PLCH1: variants seen among roughly 807,000 people sequenced by gnomAD.
The protein encoded by PLCH1 is phospholipase C eta 1.
Under a neutral mutation model 126.7 loss-of-function variants are expected in PLCH1, and 60 were observed. That is an observed-to-expected ratio of 0.47 (90% CI 0.38 to 0.59). The LOEUF (loss-of-function observed/expected upper bound fraction) is 0.59, where lower values mean the gene tolerates loss of function less well. PLCH1 is among the 20% of genes least tolerant of loss of function. The pLI, the probability that PLCH1 is intolerant of heterozygous loss-of-function variation, is 0.00. For missense variants in PLCH1, 1,723 were observed against 2,040.0 expected (o/e 0.84, Z 2.99); for synonymous variants, 719 against 734.9 (o/e 0.98, Z 0.35).
chr3:155,690,060 A>AG (rs1300715739), intron 2 of PLCH1, among the ~76,000 whole-genome samples: 2 of 151,872 alleles, frequency 1.3e-5, no homozygotes, highest in African/African-American at 4.8e-5. Context: ...AAAAAAAAAA[A>AG]GAAAAGAACA....
At chr3:155,527,436 T>G (rs746495255) in intron 10 of PLCH1, among the ~76,000 whole-genome samples, 1 of 152,202 alleles carries the variant, frequency 6.6e-6, no homozygotes, top group Non-Finnish European at 1.5e-5. Context: ...AGAAATGTCT[T>G]TCTCAGTTTT....
At chr3:155,735,818 T>C (rs1009356117) in intron 1 of PLCH1, among the ~76,000 whole-genome samples, 3 of 152,102 alleles carry the variant, frequency 2.0e-5, no homozygotes, top group African/African-American at 7.2e-5. Context: ...TTAAGGAAGC[T>C]CTTATATGCT....
intron 10 of PLCH1, among the ~76,000 whole-genome samples, chr3:155,538,353 C>T (rs935501653): frequency 6.6e-6 from 1 of 152,004 alleles, no homozygotes; most frequent in Non-Finnish European, 1.5e-5. Context: ...GAAACAAAAA[C>T]AAGCCAACCC....
At chr3:155,634,915 G>A (rs1321447126) in intron 2 of PLCH1, among the ~76,000 whole-genome samples, 1 of 152,266 alleles carries the variant, frequency 6.6e-6, no homozygotes, top group East Asian at 1.9e-4. Context: ...CATATGGCAA[G>A]AGTGGTTCAT....
intron 2 of PLCH1, among the ~76,000 whole-genome samples, chr3:155,661,771 A>C (rs1267688732): frequency 6.6e-6 from 1 of 152,228 alleles, no homozygotes. Context: ...GTGAGCAAAA[A>C]TGAATACAGT....
At chr3:155,483,924 T>A (rs1349297325) in intron 22 of PLCH1, among the ~76,000 whole-genome samples, 3 of 152,156 alleles carry the variant, frequency 2.0e-5, no homozygotes, top group Non-Finnish European at 4.4e-5. Context: ...AAGAACTTGT[T>A]CAACTTGTTA....
intron 2 of PLCH1, among the ~76,000 whole-genome samples, chr3:155,701,050 C>T (rs1017596674): frequency 6.6e-6 from 1 of 152,172 alleles, no homozygotes; most frequent in African/African-American, 2.4e-5. Flanking sequence ...TCATTCCTAA[C>T]AAGGTTTCTC....
At chr3:155,563,709 C>G (rs1056559531) in intron 8 of PLCH1, among the ~76,000 whole-genome samples, 3 of 151,932 alleles carry the variant, frequency 2.0e-5, no homozygotes, top group African/African-American at 7.3e-5. Flanking sequence ...CAAATCTGAT[C>G]ATATCACTAT....
At chr3:155,592,496 A>C (rs1436367461) in intron 4 of PLCH1, among the ~76,000 whole-genome samples, 1 of 23,918 alleles carries the variant, frequency 4.2e-5, no homozygotes, top group African/African-American at 8.9e-5. Context: ...CTCCATCTCC[A>C]AAAAAAAAAA....
At chr3:155,668,177 TCAA>T (rs1472020751) in intron 2 of PLCH1, among the ~76,000 whole-genome samples, 5 of 148,266 alleles carry the variant, frequency 3.4e-5, no homozygotes, top group African/African-American at 5.0e-5. Flanking sequence ...GCAGTAACAA[TCAA>T]CAAGTTGAGA....
intron 19 of PLCH1, among the ~76,000 whole-genome samples, chr3:155,490,384 G>A (rs1715996426): frequency 6.6e-6 from 1 of 152,068 alleles, no homozygotes; most frequent in South Asian, 2.1e-4. Context: ...AGTTTTACAT[G>A]CTCCAGAAAA....
intron 1 of PLCH1, among the ~76,000 whole-genome samples, chr3:155,730,317 T>C (rs1265485445): frequency 6.6e-6 from 1 of 152,066 alleles, no homozygotes; most frequent in Non-Finnish European, 1.5e-5. Context: ...CGTCTTGCTC[T>C]TTCACCCAGG....
chr3:155,482,121 G>T lies in PLCH1; in HGVS notation c.3905C>A (p.Thr1302Asn), dbSNP rs1259850670. Reference sequence around the variant, plus strand: ...ACTTTTTGGTAACCAGCCACGAGAAGTATTAGGGGATCCAGGCAGGTTGCT... The same window carrying T: ...ACTTTTTGGTAACCAGCCACGAGAATTATTAGGGGATCCAGGCAGGTTGCT... ...LESNLPGSPNTSRGWLPKSPT... is the reference protein window; with the variant it reads ...LESNLPGSPNNSRGWLPKSPT... The change falls in exon 23 of 23, where the codon ACT becomes AAT. Residue 1302 changes from threonine to asparagine, a missense_variant. By Grantham distance (65) the Thr-to-Asn change is moderately conservative. Transcript: ENST00000460012. 6.2e-7 allele frequency: 1 copy of T among 1,614,144 alleles called. No individual in the cohort carries two copies. The highest frequency in any genetic ancestry group is 1.1e-5 in the South Asian group (1 of 91,076).
chr3:155,739,792 T>G (rs1333372550), intron 1 of PLCH1, among the ~76,000 whole-genome samples: 1 of 152,172 alleles, frequency 6.6e-6, no homozygotes, highest in African/African-American at 2.4e-5. Context: ...AACTAACCTC[T>G]CTGAACCTCA....
chr3:155,494,454 G>A lies in PLCH1; in HGVS notation c.1958C>T (p.Ser653Leu). Residue 653 changes from serine to leucine, a missense_variant, in exon 16 of 23, where the codon TCA (serine) becomes TTA (leucine). By Grantham distance (145) the Ser-to-Leu change is moderately radical. Around this residue, in one of 2 missense-constraint regions of PLCH1, gnomAD observed 776 missense variants for 1,062.9 expected, o/e 0.73. Coordinates refer to ENST00000460012, the MANE Select transcript of PLCH1 (RefSeq NM_014996.4). Reference protein sequence around the residue: ...TRAHQVVQQKSEQFMIYNQKQ... With the variant: ...TRAHQVVQQKLEQFMIYNQKQ... ...TTGATTATAAATCATGAACTGCTCT[G>A]ATTTTTGCTGAACAACCTGATGTGC... The A allele has an allele frequency of 1.9e-6, 3 of 1,613,950 alleles. No homozygotes were observed. Among genetic ancestry groups the A allele is most frequent in the African/African-American group, 2.7e-5 (2 of 75,038 alleles).
intron 10 of PLCH1, among the ~76,000 whole-genome samples, chr3:155,549,299 C>A (rs939553185): frequency 6.6e-6 from 1 of 152,166 alleles, no homozygotes; most frequent in African/African-American, 2.4e-5. Flanking sequence ...TATGTCTGTG[C>A]CTGTGTTCCT....
chr3:155,456,411 T>C (rs1349310817), intron 21 of PLCH1, among the ~76,000 whole-genome samples: 1 of 152,124 alleles, frequency 6.6e-6, no homozygotes, highest in African/African-American at 2.4e-5. Context: ...AAAGCCATCC[T>C]GGGCTGCCTT....
At chr3:155,497,050 G>GCACTTGT (rs1417616996) in intron 15 of PLCH1, among the ~76,000 whole-genome samples, 1 of 152,202 alleles carries the variant, frequency 6.6e-6, no homozygotes, top group African/African-American at 2.4e-5. Context: ...TTGCCCTGAG[G>GCACTTGT]CACTTGTCTT....
intron 2 of PLCH1, among the ~76,000 whole-genome samples, chr3:155,638,994 G>A (rs1166500164): frequency 1.3e-5 from 2 of 151,986 alleles, no homozygotes; most frequent in Non-Finnish European, 2.9e-5. Flanking sequence ...AAGTAAACTG[G>A]ACTTTATACT....
Sources: gnomAD v4.1 joint callset for allele counts (sites outside exome capture counted in the v4.1 genomes callset) on GRCh38, gnomAD v4.1.1 for gene constraint, gnomAD v4.1.1 regional missense constraint, MANE v1.5 for transcripts, NCBI Gene and HGNC (gene_info 2026-07-23, HGNC 2026-07-21) for gene names.